The following WDR62 variants were observed in gnomAD, a reference collection of about 807,000 sequenced individuals.
The protein encoded by WDR62 is WD repeat domain 62.
In WDR62, 112 loss-of-function variants were observed where a neutral mutation model predicts 160.6. The ratio of observed to expected loss-of-function variants is 0.70; its 90% CI spans 0.60 to 0.82. The LOEUF (loss-of-function observed/expected upper bound fraction) is 0.82. Ranked by LOEUF, WDR62 falls within the 40% of genes least tolerant of loss-of-function variation. WDR62 has a pLI of 0.00. For synonymous variants in WDR62, 792 were observed against 815.1 expected, an observed-to-expected ratio of 0.97 and a Z score of 0.48; for missense variants, 1,819 against 1,983.8, an observed-to-expected ratio of 0.92 and a Z score of 1.58.
intron 1 of WDR62, among the ~76,000 whole-genome samples, chr19:36,057,295 T>C (rs1970421245): frequency 6.6e-6 from 1 of 152,190 alleles, no homozygotes; most frequent in African/African-American, 2.4e-5. Flanking sequence ...TATGACTGTG[T>C]ATTTGGGGTA....
chr19:36,067,790 T>C (rs977567866), intron 6 of WDR62, 38 bp from the exon 7 acceptor site: 8 of 1,609,138 alleles, frequency 5.0e-6, no homozygotes, highest in Non-Finnish European at 6.8e-6. Flanking sequence ...GGCCCAGCTG[T>C]GTGGACAAGT....
At position 36,104,555 on chromosome 19, in the gene WDR62, G is replaced by T. The variant is rs1234563653; in HGVS notation, c.4191G>T (p.Trp1397Cys). ...TGTTACAGGGCAGCCCTGCCCGCTG[G>T]AGTGAGCCCTGGGTGCCGGTTGAAG... ...LGLLQGSPAR[W>C]SEPWVPVEAL... Residue 1397 changes from tryptophan (W) to cysteine (C), a missense_variant, in exon 31 of 32, where the codon TGG becomes TGT. Trp to Cys is a radical substitution (Grantham distance 215, BLOSUM62 -2). This residue lies in a region of WDR62 where 770 missense variants were observed against 734.2 expected (regional missense o/e 1.05). Transcript: ENST00000401500. The T allele has an allele frequency of 6.2e-7, 1 of 1,613,604 alleles. No individual in the cohort carries two copies.
At chr19:36,073,657 C>G (rs56218447) in intron 9 of WDR62, 126 bp downstream of exon 9, 1 of 818,566 alleles carries the variant, frequency 1.2e-6, no homozygotes. Flanking sequence ...AGGCCCTGTC[C>G]TAGGTGCTGA....
At chr19:36,067,273 C>T (rs765848226) in intron 5 of WDR62, 33 bp from the exon 6 acceptor site, 21 of 1,613,744 alleles carry the variant, frequency 1.3e-5, no homozygotes, top group African/African-American at 1.1e-4. Flanking sequence ...GGAATGAGTG[C>T]TGGCATGAGC....
chr19:36,105,153 A>G, downstream of WDR62: 1 of 1,274,300 alleles, frequency 7.8e-7, no homozygotes, highest in South Asian at 1.4e-5. Flanking sequence ...GCCCTCTTCA[A>G]GTGGAAGTGG....
intron 20 of WDR62, among the ~76,000 whole-genome samples, chr19:36,095,253 G>A (rs1244613932): frequency 6.6e-6 from 1 of 152,072 alleles, no homozygotes; most frequent in Non-Finnish European, 1.5e-5. Context: ...TGGACAGACT[G>A]TCCCTTTACT....
intron 7 of WDR62, among the ~76,000 whole-genome samples, chr19:36,070,070 TA>T: frequency 6.8e-6 from 1 of 146,266 alleles, no homozygotes; most frequent in East Asian, 2.0e-4. Flanking sequence ...TTGCATTTTT[TA>T]AAAATTGGAG....
intron 7 of WDR62, among the ~76,000 whole-genome samples, chr19:36,068,581 A>G (rs898896879): frequency 6.6e-6 from 1 of 152,232 alleles, no homozygotes; most frequent in African/African-American, 2.4e-5. Flanking sequence ...GCTGCCTTCA[A>G]GCATCTGTTT....
intron 9 of WDR62, 65 bp from the exon 10 acceptor site, chr19:36,081,368 A>G: frequency 6.3e-7 from 1 of 1,591,456 alleles, no homozygotes; most frequent in Middle Eastern, 1.7e-4. Flanking sequence ...TTTCCATGAA[A>G]ATGCAACAGT....
chr19:36,101,738 G>C lies in WDR62; in HGVS notation c.3046G>C (p.Ala1016Pro). The change falls in exon 25 of 32, where the codon GCC (alanine) becomes CCC (proline). Residue 1016 changes from alanine (A) to proline (P), a missense_variant. Coordinates refer to ENST00000401500, the MANE Select transcript of WDR62 (RefSeq NM_001083961.2). ...CTCCCCAGCTCCGCCTCCTGACCCT[G>C]CCCCTCGGTTTGCCACGTCGCTGCC... ...IHSPAPPPDP[A>P]PRFATSLPHF... is the part of the protein sequence containing the mutation. 1 of 1,551,928 alleles carries C rather than the reference G, an allele frequency of 6.4e-7. No homozygotes were observed. Among genetic ancestry groups the C allele is most frequent in the Non-Finnish European group, 8.7e-7 (1 of 1,147,248 alleles).
rs116832568 is a variant in WDR62 at position 36,101,455 on chromosome 19, C to T, written c.2971+138C>T. 5.2e-3 allele frequency: 4,701 copies of T among 895,858 alleles called. 130 individuals carry two copies. In the African/African-American group the frequency reaches 0.063, roughly 12 times the overall value. 55.5% of individuals were successfully genotyped at this position (895,858 alleles called of 1,614,324 possible). A position where few individuals can be genotyped will look rare whatever the true frequency, so the allele number is the denominator to read the frequency against. ...AGACACATGTGGTCCCTGCTGCTGC[C>T]TGAGGATTCTGGGCCCAGCTGCCTA... is the stretch of plus-strand genomic sequence containing the variant. On this transcript the variant is annotated intron_variant, in intron 24 of 31. Transcript: ENST00000401500.
At chr19:36,072,414 A>G (rs1205825684) in intron 8 of WDR62, among the ~76,000 whole-genome samples, 1 of 152,158 alleles carries the variant, frequency 6.6e-6, no homozygotes, top group Non-Finnish European at 1.5e-5. Flanking sequence ...CCTGTAGTCT[A>G]TCCTCAGGTC....
At chr19:36,067,283 C>G in intron 5 of WDR62, 23 bp from the exon 6 acceptor site, 1 of 1,614,052 alleles carries the variant, frequency 6.2e-7, no homozygotes, top group Non-Finnish European at 8.5e-7. Context: ...CTGGCATGAG[C>G]TTCTCTGCAC....
rs922722873 is a variant in WDR62, at chr19:36,105,032, C to T, written c.*4C>T. The T allele has an allele frequency of 6.3e-6, 10 of 1,591,514 alleles. No homozygotes were observed. Among genetic ancestry groups the T allele is most frequent in the African/African-American group, 4.2e-5 (3 of 71,720 alleles). On this transcript the variant is annotated 3_prime_UTR_variant, in exon 32 of 32. Coordinates refer to ENST00000401500, the MANE Select transcript of WDR62 (RefSeq NM_001083961.2). Reference sequence around the variant, plus strand: ...GAGGAAGGCACGGGGGCACTGAGGGCGCAGCCCCTCCACCGCAGCCCTGCT... The same window carrying T: ...GAGGAAGGCACGGGGGCACTGAGGGTGCAGCCCCTCCACCGCAGCCCTGCT...
At position 36,073,385 on chromosome 19, in the gene WDR62, G is replaced by A. The variant is rs779070171; in HGVS notation, c.1087G>A (p.Val363Met). 1.2e-6 allele frequency: 2 copies of A among 1,614,200 alleles called. No homozygotes were observed. The highest frequency in any genetic ancestry group is 1.7e-6 in the Non-Finnish European group (2 of 1,180,038). Reference sequence around the variant, plus strand: ...GGCGGAAGCAGTCTACCCAGATACAGTGGCACTGACCTTCGACCCCATCCA... The same window carrying A: ...GGCGGAAGCAGTCTACCCAGATACAATGGCACTGACCTTCGACCCCATCCA... ...RKAEAVYPDT[V>M]ALTFDPIHQW... Residue 363 changes from valine to methionine, a missense_variant, in exon 9 of 32, where the codon GTG becomes ATG. By Grantham distance (21) the Val-to-Met change is conservative. This residue lies in a region of WDR62 where 934 missense variants were observed against 1,157.2 expected (regional missense o/e 0.81). Transcript: ENST00000401500.
chr19:36,096,929 T>G (rs772812105), intron 20 of WDR62, 98 bp from the exon 21 acceptor site: 20 of 1,096,812 alleles, frequency 1.8e-5, no homozygotes, highest in Non-Finnish European at 2.3e-5. Flanking sequence ...TTCTGACTTC[T>G]GGGTTGTGGT....
intron 18 of WDR62, 76 bp downstream of exon 18, chr19:36,091,541 A>G: frequency 7.1e-7 from 1 of 1,414,136 alleles, no homozygotes; most frequent in Non-Finnish European, 1.0e-6. Flanking sequence ...TGTAGAGAGC[A>G]TTTCTAAACT....
At chr19:36,095,903 C>T (rs908129159) in intron 20 of WDR62, among the ~76,000 whole-genome samples, 4 of 152,188 alleles carry the variant, frequency 2.6e-5, no homozygotes, top group Non-Finnish European at 5.9e-5. Flanking sequence ...GAATACAAAG[C>T]AGACGCCTGC....
chr19:36,069,334 G>T (rs544069056), intron 7 of WDR62, among the ~76,000 whole-genome samples: 73 of 152,082 alleles, frequency 4.8e-4, no homozygotes, highest in Non-Finnish European at 9.1e-4. Context: ...AGGCAGAGAC[G>T]CTCCTCACCT....
Sources: gnomAD v4.1 joint callset for allele counts (sites outside exome capture counted in the v4.1 genomes callset) on GRCh38, gnomAD v4.1.1 for gene constraint, gnomAD v4.1.1 regional missense constraint, MANE v1.5 for transcripts, NCBI Gene and HGNC (gene_info 2026-07-23, HGNC 2026-07-21) for gene names.